The following RSPH1 variants were observed in gnomAD, a reference collection of about 807,000 sequenced individuals.
RSPH1 encodes the protein radial spoke head component 1, also known as radial spoke head 1 homolog.
Under a neutral mutation model 44.2 loss-of-function variants are expected in RSPH1, and 32 were observed. The observed-to-expected ratio is 0.72, with a 90% confidence interval of 0.55 to 0.97. The LOEUF (loss-of-function observed/expected upper bound fraction) is 0.97, where lower values mean the gene tolerates loss of function less well. RSPH1 is among the 50% of genes least tolerant of loss of function. The probability of loss-of-function intolerance (pLI) is 0.00; values close to 1 mark genes in which losing one functional copy is unlikely to be tolerated. For missense variants in RSPH1, 391 were observed against 398.7 expected (o/e 0.98, Z 0.16); for synonymous variants, 134 against 147.3 (o/e 0.91, Z 0.65).
chr21:42,478,903 C>T (rs761069889), intron 6 of RSPH1, among the ~76,000 whole-genome samples: 30 of 152,062 alleles, frequency 2.0e-4, no homozygotes, highest in African/African-American at 6.8e-4. Flanking sequence ...CATCTATATG[C>T]GACATCTAGA....
rs375669893 is a variant in RSPH1 at position 42,485,464 on chromosome 21, G to A, written c.501+205C>T. On this transcript the variant is annotated intron_variant, in intron 5 of 8. Transcript: ENST00000291536. ...AATTTGTACTGAGATCCAGAGAAACGGGCCAATCCCTCCCTTCCCCCAATT... is the reference window on the plus strand; with the variant it reads ...AATTTGTACTGAGATCCAGAGAAACAGGCCAATCCCTCCCTTCCCCCAATT... 8.8e-5 allele frequency: 52 copies of A among 591,424 alleles called. 3 individuals carry two copies. Among genetic ancestry groups the A allele is most frequent in the East Asian group, 1.5e-4 (5 of 34,480 alleles). 36.6% of individuals were successfully genotyped at this position (591,424 alleles called of 1,614,324 possible).
intron 3 of RSPH1, 43 bp from the exon 4 acceptor site, chr21:42,486,504 G>A: frequency 7.4e-7 from 1 of 1,352,060 alleles, no homozygotes; most frequent in South Asian, 1.2e-5. Flanking sequence ...GAGAAGAAGG[G>A]ATCGATGCCC....
intron 6 of RSPH1, among the ~76,000 whole-genome samples, chr21:42,479,748 C>CAA (rs1414005893): frequency 1.3e-5 from 2 of 151,880 alleles, no homozygotes; most frequent in Non-Finnish European, 2.9e-5. Flanking sequence ...CACACACACA[C>CAA]ACACACACAC....
chr21:42,476,417 C>A (rs1189315288), intron 7 of RSPH1, among the ~76,000 whole-genome samples: 1 of 152,144 alleles, frequency 6.6e-6, no homozygotes, highest in African/African-American at 2.4e-5. Context: ...TGGGGGCTGT[C>A]CCGGAGCTTC....
chr21:42,476,125 C>T, intron 7 of RSPH1, 78 bp from the exon 8 acceptor site: 2 of 1,482,390 alleles, frequency 1.3e-6, no homozygotes, highest in Non-Finnish European at 9.2e-7. Flanking sequence ...CAGCTGTCCC[C>T]TGGGCTGCCG....
Position 42,475,975 on chromosome 21 carries a change from C to T in RSPH1, c.800G>A (p.Gly267Glu). The T allele has an allele frequency of 6.2e-7, 1 of 1,613,178 alleles. No homozygotes were observed. Among genetic ancestry groups the T allele is most frequent in the South Asian group, 1.1e-5 (1 of 90,932 alleles). ...CCGGAGGACGTCTGCATCTTCATCT[C>T]CAGGCCTCATGTCCATCTCACCCTC... is the stretch of plus-strand genomic sequence containing the variant. ...GFEGEMDMRPGDEDADVLREE... is the reference protein window; with the variant it reads ...GFEGEMDMRPEDEDADVLREE... The change falls in exon 8 of 9, where the codon GGA (glycine) becomes GAA (glutamate). Residue 267 changes from glycine to glutamate, a missense_variant. Physicochemically the swap from Gly to Glu is moderately conservative, Grantham distance 98. Coordinates refer to ENST00000291536, the MANE Select transcript of RSPH1 (RefSeq NM_080860.4).
chr21:42,489,827 G>T (rs1186669581), intron 3 of RSPH1, among the ~76,000 whole-genome samples: 2 of 152,218 alleles, frequency 1.3e-5, no homozygotes, highest in Admixed American at 6.5e-5. Context: ...CTAACACCAT[G>T]CTCTCTTCTC....
rs139390401 is a variant in RSPH1 at position 42,475,990 on chromosome 21, A to G, written c.785T>C (p.Met262Thr). ...QALLEGFEGE[M>T]DMRPGDEDAD... Reference sequence around the variant, plus strand: ...ATCTTCATCTCCAGGCCTCATGTCCATCTCACCCTCGAAGCCCTCCAGCAG... The same window carrying G: ...ATCTTCATCTCCAGGCCTCATGTCCGTCTCACCCTCGAAGCCCTCCAGCAG... The change falls in exon 8 of 9, where the codon ATG (methionine) becomes ACG (threonine). Residue 262 changes from methionine to threonine, a missense_variant. By Grantham distance (81) the Met-to-Thr change is moderately conservative. Transcript: ENST00000291536. The G allele has an allele frequency of 2.2e-4, 350 of 1,612,876 alleles. No homozygotes were observed. The highest frequency in any genetic ancestry group is 2.8e-4 in the Non-Finnish European group (336 of 1,179,786).
Position 42,474,982 on chromosome 21 carries a change from G to C in RSPH1, c.877+916C>G, listed in dbSNP as rs930007602. On this transcript the variant is annotated intron_variant, in intron 8 of 8. Coordinates refer to ENST00000291536, the MANE Select transcript of RSPH1 (RefSeq NM_080860.4). The surrounding 1 kb of genome is among the most constrained non-coding windows in gnomAD (Gnocchi z 5.2). ...GACTGCAGACCCCGTGCCTGAGGCC[G>C]CCGTGCCCAGGCTGTTCCCAGATGG... 6.6e-6 allele frequency among the ~76,000 whole-genome samples: 1 copy of C among 152,194 alleles called. No homozygotes were observed. The highest frequency in any genetic ancestry group is 1.5e-5 in the Non-Finnish European group (1 of 68,038).
Position 42,476,045 on chromosome 21 carries a change from C to A in RSPH1, c.730G>T (p.Ala244Ser), listed in dbSNP as rs150400022. ...TGGGCCTCCTCCCCGGGTTCTCCTG[C>A]ACCTGAGATAAAACACAAGTCAGAA... ...PGQDAPGAES[A>S]GEPGEEAQAL... The change falls in exon 8 of 9, where the codon GCA becomes TCA. Residue 244 changes from alanine (A) to serine (S), a missense_variant and splice_region_variant. Ala to Ser is a moderately conservative substitution (Grantham distance 99, BLOSUM62 1). Transcript: ENST00000291536. The A allele has an allele frequency of 6.2e-7, 1 of 1,613,712 alleles. No individual in the cohort carries two copies. The highest frequency in any genetic ancestry group is 8.5e-7 in the Non-Finnish European group (1 of 1,179,888).
intron 3 of RSPH1, among the ~76,000 whole-genome samples, chr21:42,488,394 C>T (rs753593533): frequency 3.9e-5 from 6 of 152,200 alleles, no homozygotes; most frequent in Admixed American, 2.0e-4. Context: ...AAGAGATGCA[C>T]AGAATGGGTT....
chr21:42,495,891 G>T, intron 1 of RSPH1: 2 of 534,514 alleles, frequency 3.7e-6, no homozygotes, highest in Non-Finnish European at 6.8e-6. Context: ...TGGGAGGCAG[G>T]ATGGGGGTGG....
At chr21:42,477,477 C>T in intron 6 of RSPH1, 33 bp from the exon 7 acceptor site, 1 of 1,605,100 alleles carries the variant, frequency 6.2e-7, no homozygotes, top group Non-Finnish European at 8.5e-7. Flanking sequence ...CATTTACCAA[C>T]ATTTGTGTCA....
chr21:42,488,901 C>A (rs1232475792), intron 3 of RSPH1, among the ~76,000 whole-genome samples: 1 of 152,098 alleles, frequency 6.6e-6, no homozygotes, highest in Non-Finnish European at 1.5e-5. Flanking sequence ...TAAAGTCTTT[C>A]TACCCCAATC....
At chr21:42,478,729 A>C (rs1299820948) in intron 6 of RSPH1, among the ~76,000 whole-genome samples, 1 of 152,258 alleles carries the variant, frequency 6.6e-6, no homozygotes, top group Non-Finnish European at 1.5e-5. Context: ...CAGAGATTCG[A>C]CCAGATGCTT....
rs2054248332 is a variant in RSPH1, at chr21:42,492,758, C to G, written c.274G>C (p.Gly92Arg). 1.9e-6 allele frequency: 3 copies of G among 1,569,028 alleles called. No individual in the cohort carries two copies. Among genetic ancestry groups the G allele is most frequent in the Non-Finnish European group, 2.6e-6 (3 of 1,141,594 alleles). ...FIYPDGSRYE[G>R]EWANDLRHGH... ...AATCTGCTTAGTGATAACATTTTAC[C>G]TTCATATCTGGATCCATCTGGATAT... is the stretch of plus-strand genomic sequence containing the variant. Residue 92 changes from glycine to arginine, a missense_variant and splice_region_variant, in exon 3 of 9, where the codon GGA (glycine) becomes CGA (arginine). By Grantham distance (125) the Gly-to-Arg change is moderately radical. Transcript: ENST00000291536.
chr21:42,496,141 C>CA lies in RSPH1; in HGVS notation c.45dup (p.Asp16Ter). 6.2e-7 allele frequency: 1 copy of CA among 1,614,190 alleles called. No individual in the cohort carries two copies. Among genetic ancestry groups the CA allele is most frequent in the Non-Finnish European group, 8.5e-7 (1 of 1,180,012 alleles). Reference sequence around the variant, plus strand: ...TCACCAGGAGCTCTCACCCCAATATCATTCTCTCCCTCCTCCTCCAACTCC... The same window carrying CA: ...TCACCAGGAGCTCTCACCCCAATATCAATTCTCTCCCTCCTCCTCCAACTCC... On this transcript the variant is annotated frameshift_variant, in exon 1 of 9. Transcript: ENST00000291536. LOFTEE classifies it high-confidence loss of function.
Position 42,485,802 on chromosome 21 carries a change from T to C in RSPH1, c.368A>G (p.His123Arg). ...YTGEWFAHQR[H>R]GQGTYLYAET... ...CGCGTATAAATAGGTGCCTTGCCCA[T>C]GCCTGGTTAAGACAAGGGGAACATG... The change falls in exon 5 of 9, where the codon CAT becomes CGT. Residue 123 changes from histidine (H) to arginine (R), a missense_variant and splice_region_variant. His to Arg is a conservative substitution (Grantham distance 29). Coordinates refer to ENST00000291536, the MANE Select transcript of RSPH1 (RefSeq NM_080860.4). 1 of 1,614,220 alleles carries C rather than the reference T, an allele frequency of 6.2e-7. No homozygotes were observed. Among genetic ancestry groups the C allele is most frequent in the Non-Finnish European group, 8.5e-7 (1 of 1,180,034 alleles).
chr21:42,490,621 G>A (rs552074266), intron 3 of RSPH1, among the ~76,000 whole-genome samples: 8 of 152,300 alleles, frequency 5.3e-5, no homozygotes, highest in African/African-American at 1.9e-4. Flanking sequence ...TACCAGAAGA[G>A]CTTTATATGT....
Sources: allele counts gnomAD v4.1 joint callset (sites outside exome capture counted in the v4.1 genomes callset), GRCh38; gene constraint gnomAD v4.1.1; non-coding constraint Gnocchi (gnomAD v3.1); transcripts MANE v1.5; gene names NCBI Gene and HGNC (gene_info 2026-07-23, HGNC 2026-07-21).